SEL1L3: variants seen among roughly 807,000 people sequenced by gnomAD.
SEL1L3 encodes the protein SEL1L family member 3, also known as protein sel-1 homolog 3.
SEL1L3 carries 76 observed loss-of-function variants against 142.8 expected under a neutral mutation model. The observed-to-expected ratio is 0.53, with a 90% CI of 0.44 to 0.64. The LOEUF is 0.64. SEL1L3 is among the 30% of genes least tolerant of loss of function. The probability of loss-of-function intolerance (pLI) is 0.00; values close to 1 mark genes in which losing one functional copy is unlikely to be tolerated. For synonymous variants in SEL1L3, 504 were observed against 519.6 expected (o/e 0.97, Z 0.41); for missense variants, 1,262 against 1,381.7 (o/e 0.91, Z 1.37).
At position 25,767,545 on chromosome 4, in the gene SEL1L3, T is replaced by C; in HGVS notation, c.2825A>G (p.Gln942Arg). The C allele has an allele frequency of 6.3e-7, 1 of 1,593,598 alleles. No homozygotes were observed. Among genetic ancestry groups the C allele is most frequent in the Non-Finnish European group, 8.6e-7 (1 of 1,165,276 alleles). The change falls in exon 19 of 24, where the codon CAA (glutamine) becomes CGA (arginine). Residue 942 changes from glutamine to arginine, a missense_variant. Physicochemically the swap from Gln to Arg is conservative, Grantham distance 43 (BLOSUM62 1). Transcript: ENST00000399878. Reference protein sequence around the residue: ...VWRYYNFSVFQIDAPSFAYLK... With the variant: ...VWRYYNFSVFRIDAPSFAYLK... The stretch of plus-strand genomic sequence containing the variant: ...CATACCAAAGGAAGGAGCATCGATT[T>C]GAAAAACAGAGAAATTATAGTATCT...
chr4:25,821,396 T>G (rs7698919), intron 7 of SEL1L3, among the ~76,000 whole-genome samples: 175 of 152,294 alleles, frequency 1.1e-3, no homozygotes, highest in African/African-American at 3.9e-3. Context: ...GGCTCCCTCA[T>G]AGGGAAATAG....
intron 1 of SEL1L3, among the ~76,000 whole-genome samples, chr4:25,860,158 T>A: frequency 6.6e-6 from 1 of 152,214 alleles, no homozygotes; most frequent in East Asian, 1.9e-4. Flanking sequence ...CAGAGGGCTG[T>A]TGCTAAGATA....
intron 15 of SEL1L3, 132 bp downstream of exon 15, chr4:25,782,110 C>G (rs931931629): frequency 2.6e-6 from 2 of 760,064 alleles, no homozygotes; most frequent in Non-Finnish European, 4.2e-6. Flanking sequence ...TGTTTTCCTA[C>G]GAGACCCTCT....
intron 1 of SEL1L3, among the ~76,000 whole-genome samples, chr4:25,851,796 G>A (rs1014188014): frequency 1.6e-4 from 24 of 151,584 alleles, no homozygotes; most frequent in African/African-American, 5.8e-4. Flanking sequence ...GACTGAGGCA[G>A]GAGAATTGCT....
At chr4:25,732,011 T>C in the SEL1L3 span, among the ~76,000 whole-genome samples, 1 of 151,718 alleles carries the variant, frequency 6.6e-6, no homozygotes, top group African/African-American at 2.4e-5. Context: ...GAAGTGGAGG[T>C]TGCAGTGATC....
chr4:25,783,044 C>T (rs1711538231), intron 14 of SEL1L3, among the ~76,000 whole-genome samples: 1 of 152,170 alleles, frequency 6.6e-6, no homozygotes, highest in African/African-American at 2.4e-5. Flanking sequence ...AACTGTATTT[C>T]CTCATTACTT....
intron 6 of SEL1L3, among the ~76,000 whole-genome samples, chr4:25,828,943 G>A (rs1413655408): frequency 3.3e-5 from 5 of 152,106 alleles, no homozygotes; most frequent in East Asian, 3.9e-4. Context: ...TTATACATGC[G>A]AAATTGGTTA....
At chr4:25,754,267 A>T (rs953198429) in intron 23 of SEL1L3, among the ~76,000 whole-genome samples, 7 of 151,552 alleles carry the variant, frequency 4.6e-5, no homozygotes, top group Non-Finnish European at 8.8e-5. Context: ...GCACCATTGC[A>T]CTCCAGCCTG....
chr4:25,766,900 C>A (rs1348126499), intron 19 of SEL1L3, among the ~76,000 whole-genome samples: 2 of 152,256 alleles, frequency 1.3e-5, no homozygotes, highest in East Asian at 3.9e-4. Context: ...GAGGCCAGTC[C>A]CCCACCATGC....
At chr4:25,808,972 G>C (rs58988899) in intron 9 of SEL1L3, among the ~76,000 whole-genome samples, 3,612 of 148,978 alleles carry the variant, frequency 0.024, 62 homozygotes, top group African/African-American at 0.045. Flanking sequence ...ACTTGGGAGG[G>C]TGAGGCAGGA....
intron 12 of SEL1L3, among the ~76,000 whole-genome samples, chr4:25,789,606 C>T (rs1313090168): frequency 6.8e-6 from 1 of 146,904 alleles, no homozygotes; most frequent in Non-Finnish European, 1.5e-5. Flanking sequence ...AAAAAAAAAG[C>T]CCCTGTACTG....
chr4:25,729,658 G>C, the SEL1L3 span, among the ~76,000 whole-genome samples: 1 of 152,190 alleles, frequency 6.6e-6, no homozygotes, highest in African/African-American at 2.4e-5. Flanking sequence ...AGTCTGCAGT[G>C]AGCCGAGATC....
chr4:25,805,819 ATTTAACTTAAGACTTAACT>A (rs1404028675), intron 9 of SEL1L3, among the ~76,000 whole-genome samples: 9 of 152,248 alleles, frequency 5.9e-5, no homozygotes, highest in Non-Finnish European at 8.8e-5. Flanking sequence ...TACTATTTAC[ATTTAACTTAAGACTTAACT>A]TTTAACTTAA....
intron 1 of SEL1L3, chr4:25,862,041 G>C (rs1363292059): frequency 6.6e-6 from 1 of 152,242 alleles, no homozygotes; most frequent in Non-Finnish European, 1.5e-5. Context: ...TCAAGACGCA[G>C]CTAAAGTCAC....
At chr4:25,801,114 T>C (rs1713154398) in intron 11 of SEL1L3, among the ~76,000 whole-genome samples, 1 of 152,240 alleles carries the variant, frequency 6.6e-6, no homozygotes, top group Non-Finnish European at 1.5e-5. Context: ...ATCAAGTTTA[T>C]GGCACTTGCC....
At chr4:25,814,325 T>C (rs776525049) in intron 9 of SEL1L3, among the ~76,000 whole-genome samples, 22 of 152,184 alleles carry the variant, frequency 1.4e-4, no homozygotes, top group Non-Finnish European at 2.5e-4. Flanking sequence ...CAGTCAATGC[T>C]TGTTCAGTAA....
chr4:25,751,374 C>T (rs141839300), intron 23 of SEL1L3, among the ~76,000 whole-genome samples: 2 of 152,032 alleles, frequency 1.3e-5, no homozygotes, highest in Non-Finnish European at 2.9e-5. Flanking sequence ...GGGCTAATGA[C>T]GCTTGGCTTT....
intron 14 of SEL1L3, 91 bp downstream of exon 14, chr4:25,784,137 G>A: frequency 1.8e-6 from 2 of 1,094,762 alleles, no homozygotes; most frequent in Middle Eastern, 4.1e-4. Context: ...GGCTTTGTAG[G>A]AAGAGGCTGG....
chr4:25,822,331 C>A (rs749157585), intron 6 of SEL1L3, among the ~76,000 whole-genome samples: 1 of 152,176 alleles, frequency 6.6e-6, no homozygotes, highest in Non-Finnish European at 1.5e-5. Flanking sequence ...GAGACCTCAG[C>A]CCAGTCACTT....
Sources: gnomAD v4.1 joint callset for allele counts (sites outside exome capture counted in the v4.1 genomes callset) on GRCh38, gnomAD v4.1.1 for gene constraint, MANE v1.5 for transcripts, NCBI Gene and HGNC (gene_info 2026-07-23, HGNC 2026-07-21) for gene names.